Variants in KDM5B observed in about 807,000 individuals in gnomAD.
The protein encoded by KDM5B is lysine demethylase 5B.
KDM5B carries 144 observed loss-of-function variants against 193.4 expected under a neutral mutation model. The ratio of observed to expected loss-of-function variants is 0.74; its 90% confidence interval spans 0.65 to 0.86. The LOEUF (loss-of-function observed/expected upper bound fraction) is 0.86. Among genes scored for constraint, KDM5B ranks in the 40% least tolerant of loss-of-function variants. The pLI is 0.00. For missense variants in KDM5B, 1,833 were observed against 1,886.9 expected, an observed-to-expected ratio of 0.97 and a Z score of 0.53; for synonymous variants, 668 against 682.6, an observed-to-expected ratio of 0.98 and a Z score of 0.33.
chr1:202,740,394 G>A lies in KDM5B; in HGVS notation c.3084+280C>T, dbSNP rs1319132380. Among the ~76,000 whole-genome samples the A allele has an allele frequency of 9.7e-5, 12 of 124,238 alleles. 1 individual carries two copies. The East Asian group carries it at 1.9e-3, about 19-fold the overall frequency. 81.5% of individuals were successfully genotyped at this position (124,238 alleles called of 152,430 possible). On this transcript the variant is annotated intron_variant, in intron 20 of 26. Coordinates refer to ENST00000367265, the MANE Select transcript of KDM5B (RefSeq NM_006618.5). ...CACCTCCCTCCCGGACAGGGCAGCC[G>A]GCCGGGTGGGGGTCTGACCCCCCCA... is the stretch of plus-strand genomic sequence containing the variant.
chr1:202,793,112 G>C lies in KDM5B; in HGVS notation c.204+14990C>G, dbSNP rs149757012. 9.1e-4 allele frequency among the ~76,000 whole-genome samples: 138 copies of C among 152,164 alleles called. 1 individual carries two copies. The East Asian group carries it at 0.017, about 19-fold the overall frequency. On this transcript the variant is annotated intron_variant, in intron 1 of 26. Transcript: ENST00000367265. ...TTAAATTAGAAGAACACTGAACTTG[G>C]GAATAAAGAGCCATGGTTTGCAACA...
intron 9 of KDM5B, 43 bp from the exon 10 acceptor site, chr1:202,756,559 T>A (rs1351801237): frequency 1.4e-6 from 2 of 1,480,336 alleles, no homozygotes; most frequent in Non-Finnish European, 1.8e-6. Context: ...CCTCACAAAC[T>A]GTCTGTGACC....
intron 12 of KDM5B, among the ~76,000 whole-genome samples, chr1:202,751,353 A>G (rs1415687786): frequency 6.6e-6 from 1 of 152,154 alleles, no homozygotes; most frequent in Admixed American, 6.5e-5. Flanking sequence ...ACGGTCCCCC[A>G]GAACAAAAGC....
At chr1:202,770,753 T>C (rs370779956) in intron 4 of KDM5B, among the ~76,000 whole-genome samples, 1 of 152,308 alleles carries the variant, frequency 6.6e-6, no homozygotes. Flanking sequence ...TGCATAAAAA[T>C]AGCCGTGAGA....
At chr1:202,800,114 G>A (rs1199630323) in intron 1 of KDM5B, among the ~76,000 whole-genome samples, 1 of 152,048 alleles carries the variant, frequency 6.6e-6, no homozygotes, top group Non-Finnish European at 1.5e-5. Context: ...TGCGATATCG[G>A]CTCACTGCAA....
At position 202,741,526 on chromosome 1, in the gene KDM5B, T is replaced by A; in HGVS notation, c.2786A>T (p.Asp929Val). ...WLEEVQQACL[D>V]PSSLTLDDMR... ...ATCATCTAAAGTAAGGGAGCTGGGG[T>A]CTAGGCAAGCTTGCTGCACCTCTTC... The change falls in exon 19 of 27, where the codon GAC becomes GTC. Residue 929 changes from aspartate to valine, a missense_variant. This residue lies in a region of KDM5B where 1,379 missense variants were observed against 1,349.6 expected (regional missense o/e 1.02). Transcript: ENST00000367265. The A allele has an allele frequency of 6.2e-7, 1 of 1,614,150 alleles. No homozygotes were observed. The highest frequency in any genetic ancestry group is 1.1e-5 in the South Asian group (1 of 91,084).
chr1:202,735,869 A>G (rs1258973974), intron 21 of KDM5B, among the ~76,000 whole-genome samples: 1 of 152,250 alleles, frequency 6.6e-6, no homozygotes, highest in Admixed American at 6.5e-5. Flanking sequence ...GAAAATACAA[A>G]AAGTGCAGTT....
intron 3 of KDM5B, among the ~76,000 whole-genome samples, chr1:202,774,237 G>A (rs9633345): frequency 0.76 from 115,323 of 152,130 alleles, 45,472 homozygotes; most frequent in Non-Finnish European, 0.86. Flanking sequence ...ATCTCAAAAA[G>A]TAAGTTTATT....
At chr1:202,740,637 GCACTTA>G in intron 20 of KDM5B, 31 bp downstream of exon 20, 1 of 1,557,220 alleles carries the variant, frequency 6.4e-7, no homozygotes, top group East Asian at 2.3e-5. Context: ...CTTTATGGAT[GCACTTA>G]CACATTCTGT....
chr1:202,782,213 GAA>G (rs1657226764), intron 1 of KDM5B, among the ~76,000 whole-genome samples: 2 of 152,152 alleles, frequency 1.3e-5, no homozygotes, highest in Admixed American at 6.5e-5. Flanking sequence ...AAGAATGAGA[GAA>G]GAGATAAATG....
Position 202,752,927 on chromosome 1 carries a change from G to C in KDM5B, c.1679C>G (p.Thr560Ser). 1.2e-6 allele frequency: 2 copies of C among 1,614,120 alleles called. No homozygotes were observed. Among genetic ancestry groups the C allele is most frequent in the Non-Finnish European group, 1.7e-6 (2 of 1,179,978 alleles). ...TACAGGCACTTCATGAGTCATCAGG[G>C]TATTGGGGTTCATGATGGTCACAAG... Reference protein sequence around the residue: ...HQLVTIMNPNTLMTHEVPVYR... With the variant: ...HQLVTIMNPNSLMTHEVPVYR... The change falls in exon 12 of 27, where the codon ACC becomes AGC. Residue 560 changes from threonine (T) to serine (S), a missense_variant. Physicochemically the swap from Thr to Ser is moderately conservative, Grantham distance 58. This residue lies in a region of KDM5B where 1,379 missense variants were observed against 1,349.6 expected (regional missense o/e 1.02). Transcript: ENST00000367265.
chr1:202,799,847 C>T (rs919395644), intron 1 of KDM5B, among the ~76,000 whole-genome samples: 5 of 152,102 alleles, frequency 3.3e-5, no homozygotes, highest in African/African-American at 9.7e-5. Flanking sequence ...GACCACCTGC[C>T]TGGTGGCATC....
intron 19 of KDM5B, 39 bp from the exon 20 acceptor site, chr1:202,740,851 G>C (rs539387087): frequency 1.9e-6 from 3 of 1,562,456 alleles, no homozygotes; most frequent in East Asian, 2.3e-5. Context: ...CATTTTATAT[G>C]ATGGTTCATT....
intron 1 of KDM5B, among the ~76,000 whole-genome samples, chr1:202,794,155 C>G (rs1453307226): frequency 6.6e-6 from 1 of 152,182 alleles, no homozygotes; most frequent in Non-Finnish European, 1.5e-5. Flanking sequence ...ATCCTAAGGG[C>G]TCCTACCTCC....
In KDM5B at chr1:202,728,290, G is replaced by C. The variant is rs991334438; in HGVS notation, c.*746C>G. 1 of 152,638 alleles carries C rather than the reference G, an allele frequency of 6.6e-6. No homozygotes were observed. Among genetic ancestry groups the C allele is most frequent in the Non-Finnish European group, 1.5e-5 (1 of 68,050 alleles). 9.5% of individuals were successfully genotyped at this position (152,638 alleles called of 1,614,324 possible). ...TAGGGGAGAAAGGAAGGGACAGGGA[G>C]AAAGCCAAAATACAGCTGTGGCAAT... On this transcript the variant is annotated 3_prime_UTR_variant, in exon 27 of 27. Transcript: ENST00000367265.
chr1:202,746,282 T>G lies in KDM5B; in HGVS notation c.2058A>C (p.Pro686=), dbSNP rs1018190655. The change falls in exon 15 of 27, where the codon CCA becomes CCC. Residue 686 remains proline, a synonymous_variant. Transcript: ENST00000367265. The part of the protein sequence containing the change: ...DSERMDFELL[P]DDERQCVKCK... The stretch of plus-strand genomic sequence containing the variant: ...ATTTTACACACTGACGTTCATCATC[T>G]GGCAACAGCTCAAAATCCATTCTTT... 1 of 1,612,818 alleles carries G rather than the reference T, an allele frequency of 6.2e-7. No homozygotes were observed. The highest frequency in any genetic ancestry group is 1.3e-5 in the African/African-American group (1 of 74,958).
At position 202,731,848 on chromosome 1, in the gene KDM5B, C is replaced by A; in HGVS notation, c.4001G>T (p.Arg1334Leu). 6.2e-7 allele frequency: 1 copy of A among 1,611,552 alleles called. No homozygotes were observed. The highest frequency in any genetic ancestry group is 8.5e-7 in the Non-Finnish European group (1 of 1,177,834). Residue 1334 changes from arginine (R) to leucine (L), a missense_variant, in exon 24 of 27, where the codon CGA (arginine) becomes CTA (leucine). By Grantham distance (102) the Arg-to-Leu change is moderately radical. Transcript: ENST00000367265. ...CAAACCATGGAGGGGGATACAACTT[C>A]GTCCAGTTGAGAAGGGGGAGTGCAA... ...SYLHSPFSTGRSCIPLHGVSP... is the reference protein window; with the variant it reads ...SYLHSPFSTGLSCIPLHGVSP...
chr1:202,792,185 TTTTC>T (rs770642049), intron 1 of KDM5B, among the ~76,000 whole-genome samples: 43 of 152,264 alleles, frequency 2.8e-4, no homozygotes, highest in African/African-American at 4.3e-4. Flanking sequence ...ATTCCTTATT[TTTTC>T]TTTCTTTCTT....
At chr1:202,750,371 T>C (rs533034549) in intron 13 of KDM5B, among the ~76,000 whole-genome samples, 14 of 152,208 alleles carry the variant, frequency 9.2e-5, no homozygotes, top group Admixed American at 6.5e-4. Flanking sequence ...CTCCACCTCC[T>C]GGGTTCAAGT....
Sources: allele counts gnomAD v4.1 joint callset (sites outside exome capture counted in the v4.1 genomes callset), GRCh38; gene constraint gnomAD v4.1.1; regional missense constraint gnomAD v4.1.1; transcripts MANE v1.5; gene names NCBI Gene and HGNC (gene_info 2026-07-23, HGNC 2026-07-21).